GRID2: variants seen among roughly 807,000 people sequenced by gnomAD.
GRID2 encodes glutamate ionotropic receptor delta type subunit 2.
In GRID2, 33 loss-of-function variants were observed where a neutral mutation model predicts 114.8. The observed-to-expected ratio is 0.29, with a 90% CI of 0.22 to 0.38. The LOEUF (loss-of-function observed/expected upper bound fraction) is 0.38, where lower values mean the gene tolerates loss of function less well. Among genes scored for constraint, GRID2 ranks in the 10% least tolerant of loss-of-function variants. The pLI is 1.00. For missense variants in GRID2, 1,184 were observed against 1,257.7 expected (o/e 0.94, Z 0.89); for synonymous variants, 505 against 449.9 (o/e 1.12, Z -1.55).
At chr4:92,764,493 C>T (rs1253633344) in intron 2 of GRID2, among the ~76,000 whole-genome samples, 1 of 152,136 alleles carries the variant, frequency 6.6e-6, no homozygotes, top group Non-Finnish European at 1.5e-5. Context: ...GGCTGCCCAC[C>T]CTACTCACCC....
chr4:92,679,412 T>C (rs1203090217), intron 2 of GRID2, among the ~76,000 whole-genome samples: 4 of 152,050 alleles, frequency 2.6e-5, no homozygotes, highest in African/African-American at 9.7e-5. Flanking sequence ...TACAGAACCA[T>C]TACCCTCTGT....
intron 4 of GRID2, among the ~76,000 whole-genome samples, chr4:93,202,802 C>G (rs1444865126): frequency 6.6e-6 from 1 of 152,086 alleles, no homozygotes; most frequent in Non-Finnish European, 1.5e-5. Flanking sequence ...TCCATATTAG[C>G]TCAATTTGAT....
intron 1 of GRID2, among the ~76,000 whole-genome samples, chr4:92,351,844 T>C (rs1313554063): frequency 2.0e-5 from 3 of 151,964 alleles, no homozygotes; most frequent in Non-Finnish European, 2.9e-5. Context: ...GATTTCCTCT[T>C]GTAATGACTC....
chr4:92,355,059 TCC>T (rs1728252081), intron 1 of GRID2, among the ~76,000 whole-genome samples: 3 of 151,966 alleles, frequency 2.0e-5, no homozygotes, highest in African/African-American at 7.2e-5. Context: ...TGGCGACTCC[TCC>T]TCATTATCCT....
intron 1 of GRID2, among the ~76,000 whole-genome samples, chr4:92,428,389 C>T (rs1004922139): frequency 6.6e-6 from 1 of 151,900 alleles, no homozygotes; most frequent in African/African-American, 2.4e-5. Flanking sequence ...CTTTTGTTTT[C>T]TTTTTTCTCT....
intron 2 of GRID2, among the ~76,000 whole-genome samples, chr4:92,994,025 C>T (rs1191669829): frequency 6.6e-6 from 1 of 152,084 alleles, no homozygotes; most frequent in Non-Finnish European, 1.5e-5. Context: ...TGTTCCTCAT[C>T]TTTTATCCAG....
chr4:93,405,652 G>A lies in GRID2; in HGVS notation c.1347+9944G>A, dbSNP rs184073751. Among the ~76,000 whole-genome samples, 78 of 152,176 alleles carry A rather than the reference G, an allele frequency of 5.1e-4. 3 individuals carry two copies. The East Asian group carries it at 9.3e-3, about 18-fold the overall frequency. On this transcript the variant is annotated intron_variant, in intron 9 of 15. Transcript: ENST00000282020. The stretch of plus-strand genomic sequence containing the variant: ...ACTTCCATAATCAAATCAATATTTG[G>A]TTAGAACATTTCACAATATTCTAAC...
chr4:92,343,917 G>T (rs1464775064), intron 1 of GRID2, among the ~76,000 whole-genome samples: 1 of 152,172 alleles, frequency 6.6e-6, no homozygotes, highest in African/African-American at 2.4e-5. Flanking sequence ...GTAAGCCAAA[G>T]AAATCATAAG....
At chr4:93,667,247 G>T (rs949652190) in intron 14 of GRID2, among the ~76,000 whole-genome samples, 2 of 152,004 alleles carry the variant, frequency 1.3e-5, no homozygotes, top group African/African-American at 2.4e-5. Context: ...AAAAGGGAAG[G>T]CTTTTTGAAA....
intron 8 of GRID2, among the ~76,000 whole-genome samples, chr4:93,263,673 G>C (rs1057102221): frequency 6.6e-6 from 1 of 152,030 alleles, no homozygotes; most frequent in African/African-American, 2.4e-5. Flanking sequence ...TCTTGACAGA[G>C]TCTAGGTGAC....
chr4:93,755,830 T>C lies in GRID2; in HGVS notation c.2361-13380T>C, dbSNP rs137960928. ...TCAGGTTTGCCACATCAAGTTATCA[T>C]ATGTGAAGTGCTAGAAAACAATTCA... On this transcript the variant is annotated intron_variant, in intron 14 of 15. Coordinates refer to ENST00000282020, the MANE Select transcript of GRID2 (RefSeq NM_001510.4). Among the ~76,000 whole-genome samples the C allele has an allele frequency of 4.1e-4, 63 of 152,328 alleles. 1 individual carries two copies. The East Asian group carries it at 0.012, about 29-fold the overall frequency.
chr4:93,319,332 A>G (rs959288509), intron 8 of GRID2, among the ~76,000 whole-genome samples: 25 of 152,090 alleles, frequency 1.6e-4, no homozygotes, highest in African/African-American at 6.0e-4. Flanking sequence ...CTTACGTTTT[A>G]TTTCATAAGA....
chr4:92,903,024 T>A (rs1256020071), intron 2 of GRID2, among the ~76,000 whole-genome samples: 1 of 151,944 alleles, frequency 6.6e-6, no homozygotes, highest in East Asian at 1.9e-4. Flanking sequence ...TTAGGATCGC[T>A]TCGGTTATTC....
At chr4:93,377,619 T>A (rs191032172) in intron 8 of GRID2, among the ~76,000 whole-genome samples, 2 of 152,314 alleles carry the variant, frequency 1.3e-5, no homozygotes, top group Admixed American at 1.3e-4. Flanking sequence ...ATAGTGCTTG[T>A]CATTTTTTAC....
intron 13 of GRID2, among the ~76,000 whole-genome samples, chr4:93,536,500 G>A (rs1001195165): frequency 1.3e-5 from 2 of 151,732 alleles, no homozygotes; most frequent in East Asian, 3.9e-4. Context: ...ATATCCACAC[G>A]CAAGAGAATG....
chr4:92,393,045 C>G (rs1730323110), intron 1 of GRID2, among the ~76,000 whole-genome samples: 2 of 152,242 alleles, frequency 1.3e-5, no homozygotes, highest in South Asian at 2.1e-4. Flanking sequence ...CCTCAGGGAG[C>G]TTTTACTCAT....
chr4:92,941,030 T>C (rs1025460773), intron 2 of GRID2, among the ~76,000 whole-genome samples: 1 of 152,194 alleles, frequency 6.6e-6, no homozygotes, highest in African/African-American at 2.4e-5. Context: ...TAAAATTCTC[T>C]TTTATTGTTG....
At chr4:92,787,339 G>A (rs906984537) in intron 2 of GRID2, among the ~76,000 whole-genome samples, 1 of 151,888 alleles carries the variant, frequency 6.6e-6, no homozygotes, top group African/African-American at 2.4e-5. Context: ...TAGTGAGCAG[G>A]TGTAAGGAGT....
At chr4:92,849,214 A>G (rs1275031738) in intron 2 of GRID2, among the ~76,000 whole-genome samples, 2 of 151,994 alleles carry the variant, frequency 1.3e-5, no homozygotes, top group African/African-American at 4.8e-5. Context: ...TGAGATATCA[A>G]GCTTGAAAGC....
Sources: allele counts gnomAD v4.1 joint callset (sites outside exome capture counted in the v4.1 genomes callset), GRCh38; gene constraint gnomAD v4.1.1; transcripts MANE v1.5; gene names NCBI Gene and HGNC (gene_info 2026-07-23, HGNC 2026-07-21).